Variants in ADIG observed in about 807,000 individuals in gnomAD.
The protein encoded by ADIG is adipogenin.
Under a neutral mutation model 10.7 loss-of-function variants are expected in ADIG, and 12 were observed. That is an observed-to-expected ratio of 1.12 (90% CI 0.72 to 1.82). The LOEUF is 1.82. Among genes scored for constraint, ADIG ranks in the 40% most tolerant of loss-of-function variants. ADIG has a pLI of 0.00. For missense variants in ADIG, 72 were observed against 92.5 expected (o/e 0.78, Z 0.91); for synonymous variants, 32 against 35.6 (o/e 0.90, Z 0.36).
chr20:38,584,382 T>C (rs1157938190), intron 1 of ADIG, among the ~76,000 whole-genome samples: 1 of 152,208 alleles, frequency 6.6e-6, no homozygotes, highest in Non-Finnish European at 1.5e-5. Flanking sequence ...CATTTTCCTT[T>C]TGCGATTTGA....
Position 38,588,121 on chromosome 20 carries a change from C to A in ADIG, c.*35C>A, listed in dbSNP as rs867215598. 7.7e-7 allele frequency: 1 copy of A among 1,303,520 alleles called. No homozygotes were observed. The highest frequency in any genetic ancestry group is 1.5e-5 in the African/African-American group (1 of 65,822). The allele number at this position is 1,303,520 out of a possible 1,614,324, so 80.7% of individuals were successfully genotyped here. A position where few individuals can be genotyped will look rare whatever the true frequency, so the allele number is the denominator to read the frequency against. On this transcript the variant is annotated 3_prime_UTR_variant, in exon 3 of 3. Coordinates refer to ENST00000537425, the MANE Select transcript of ADIG (RefSeq NM_001393816.1). ...TCTAGTTTGGTTTTCCTGGAGTCAGCAGGGCAGTGGCAATGGCAGAAGTGG... is the reference window on the plus strand; with the variant it reads ...TCTAGTTTGGTTTTCCTGGAGTCAGAAGGGCAGTGGCAATGGCAGAAGTGG...
intron 2 of ADIG, 23 bp downstream of exon 2, chr20:38,586,184 G>A (rs747336561): frequency 7.8e-5 from 121 of 1,553,100 alleles, no homozygotes; most frequent in South Asian, 2.1e-4. Context: ...CAGGGGCCAG[G>A]GGGAGCCTCA....
At chr20:38,583,485 A>G (rs895200789) in intron 1 of ADIG, among the ~76,000 whole-genome samples, 1 of 152,230 alleles carries the variant, frequency 6.6e-6, no homozygotes, top group African/African-American at 2.4e-5. Flanking sequence ...TGGTCGATGC[A>G]TATCGGGTAC....
intron 1 of ADIG, among the ~76,000 whole-genome samples, chr20:38,582,540 C>T (rs1486947994): frequency 1.3e-5 from 2 of 152,230 alleles, no homozygotes; most frequent in Admixed American, 6.5e-5. Flanking sequence ...TCCCTCCCCA[C>T]ACCCCTGCTA....
At chr20:38,584,318 A>G (rs1041212963) in intron 1 of ADIG, among the ~76,000 whole-genome samples, 15 of 152,222 alleles carry the variant, frequency 9.9e-5, no homozygotes, top group Admixed American at 2.0e-4. Context: ...TGACATGGCC[A>G]TAAGGTGGAG....
chr20:38,581,379 GCTT>G lies in ADIG; in HGVS notation c.124+9_124+11del. 6.2e-7 allele frequency: 1 copy of G among 1,613,922 alleles called. No homozygotes were observed. The highest frequency in any genetic ancestry group is 1.3e-5 in the African/African-American group (1 of 75,068). ...TACGCTTCTTACTTAGCCAAGGTGA[GCTT>G]CTTACCCCGTCCAGGCAGGACCCTA... On this transcript the variant is annotated splice_donor_region_variant and intron_variant, in intron 1 of 2. Transcript: ENST00000537425.
intron 1 of ADIG, among the ~76,000 whole-genome samples, chr20:38,584,657 A>G (rs1219617101): frequency 1.3e-5 from 2 of 152,212 alleles, no homozygotes; most frequent in East Asian, 3.8e-4. Context: ...AAATACTAGT[A>G]ATTGACTTCA....
rs879214854 is a variant in ADIG, at chr20:38,581,360, TCTTA to T, written c.115_118del (p.Leu39AlafsTer93). The T allele has an allele frequency of 2.5e-6, 4 of 1,614,010 alleles. No homozygotes were observed. Among genetic ancestry groups the T allele is most frequent in the East Asian group, 4.5e-5 (2 of 44,878 alleles). Reference sequence around the variant, plus strand: ...TTGTTATTGATCATCTGGCTACGCTTCTTACTTAGCCAAGGTGAGCTTCTTACCC... The same window carrying T: ...TTGTTATTGATCATCTGGCTACGCTTCTTAGCCAAGGTGAGCTTCTTACCC... On this transcript the variant is annotated frameshift_variant, in exon 1 of 3. Coordinates refer to ENST00000537425, the MANE Select transcript of ADIG (RefSeq NM_001393816.1). LOFTEE classifies it high-confidence loss of function.
intron 1 of ADIG, among the ~76,000 whole-genome samples, chr20:38,582,211 A>T (rs1481547191): frequency 6.6e-6 from 1 of 152,144 alleles, no homozygotes; most frequent in African/African-American, 2.4e-5. Context: ...GGAGTTTGAG[A>T]CCAGGCTGGG....
In ADIG at chr20:38,586,132, G is replaced by A; in HGVS notation, c.228G>A (p.Glu76=). The change falls in exon 2 of 3, where the codon GAG becomes GAA. Residue 76 remains glutamate, a synonymous_variant. Transcript: ENST00000537425. ...WKGTLHGQEK[E]RPCW is the part of the protein sequence containing the mutation. ...GGACACTCCACGGCCAAGAGAAGGA[G>A]AGGCCCTGCTGGTGAGCCTGCTGTG... is the stretch of plus-strand genomic sequence containing the variant. The A allele has an allele frequency of 6.3e-7, 1 of 1,597,386 alleles. No individual in the cohort carries two copies. Among genetic ancestry groups the A allele is most frequent in the Non-Finnish European group, 8.5e-7 (1 of 1,172,010 alleles).
chr20:38,584,780 TGAC>T (rs1172749189), intron 1 of ADIG, among the ~76,000 whole-genome samples: 1 of 151,314 alleles, frequency 6.6e-6, no homozygotes, highest in African/African-American at 2.5e-5. Flanking sequence ...GCTATCCTAC[TGAC>T]TTTTTTTTTT....
intron 2 of ADIG, among the ~76,000 whole-genome samples, chr20:38,586,835 A>G (rs2145580937): frequency 7.4e-6 from 1 of 135,242 alleles, no homozygotes; most frequent in South Asian, 2.2e-4. Context: ...TGATGAGGAT[A>G]TGATTCTCAC....
At chr20:38,581,411 C>G in intron 1 of ADIG, 37 bp downstream of exon 1, 1 of 1,613,086 alleles carries the variant, frequency 6.2e-7, no homozygotes, top group South Asian at 1.1e-5. Context: ...GACCCTAATC[C>G]TGGAGCTAGG....
chr20:38,581,404 C>T, intron 1 of ADIG, 30 bp downstream of exon 1: 1 of 1,613,300 alleles, frequency 6.2e-7, no homozygotes, highest in Non-Finnish European at 8.5e-7. Context: ...CAGGCAGGAC[C>T]CTAATCCTGG....
intron 1 of ADIG, among the ~76,000 whole-genome samples, chr20:38,583,738 C>T (rs2088608444): frequency 6.6e-6 from 1 of 152,220 alleles, no homozygotes; most frequent in South Asian, 2.1e-4. Context: ...CCACAACCTA[C>T]CCCACTCCAA....
At chr20:38,588,008 G>C (rs1270588328) in intron 2 of ADIG, 93 bp from the exon 3 acceptor site, 1 of 1,210,322 alleles carries the variant, frequency 8.3e-7, no homozygotes, top group Non-Finnish European at 1.1e-6. Context: ...AAAGTGCTGG[G>C]ATTACAGGCA....
intron 1 of ADIG, chr20:38,585,497 A>G (rs909614528): frequency 2.0e-4 from 306 of 1,550,508 alleles, no homozygotes; most frequent in Non-Finnish European, 2.5e-4. Context: ...ATGACAAGCC[A>G]TCAGACGGAG....
intron 2 of ADIG, among the ~76,000 whole-genome samples, chr20:38,587,543 A>G (rs2088647953): frequency 6.6e-6 from 1 of 152,112 alleles, no homozygotes; most frequent in Non-Finnish European, 1.5e-5. Context: ...CTGTCTTGAA[A>G]TTCTTAATTT....
chr20:38,582,000 G>A (rs967406937), intron 1 of ADIG, among the ~76,000 whole-genome samples: 7 of 152,128 alleles, frequency 4.6e-5, no homozygotes, highest in Non-Finnish European at 2.9e-5. Flanking sequence ...GAGGTGGGAC[G>A]AAGCTGGCTG....
Sources: allele counts gnomAD v4.1 joint callset (sites outside exome capture counted in the v4.1 genomes callset), GRCh38; gene constraint gnomAD v4.1.1; transcripts MANE v1.5; gene names NCBI Gene and HGNC (gene_info 2026-07-23, HGNC 2026-07-21).